The following CAMK2D variants were observed in gnomAD, a reference collection of about 807,000 sequenced individuals.
CAMK2D encodes the protein calcium/calmodulin-dependent protein kinase type II subunit delta.
Under a neutral mutation model 84.0 loss-of-function variants are expected in CAMK2D, and 37 were observed. The observed-to-expected ratio is 0.44, with a 90% CI of 0.34 to 0.58. The LOEUF is 0.58. Among genes scored for constraint, CAMK2D ranks in the 20% least tolerant of loss-of-function variants. CAMK2D has a pLI of 0.02. For synonymous variants in CAMK2D, 202 were observed against 212.5 expected (o/e 0.95, Z 0.43); for missense variants, 448 against 652.5 (o/e 0.69, Z 3.41).
At chr4:113,519,012 G>A (rs1560665924) in intron 8 of CAMK2D, among the ~76,000 whole-genome samples, 1 of 151,844 alleles carries the variant, frequency 6.6e-6, no homozygotes, top group African/African-American at 2.4e-5. Flanking sequence ...TCACCTTCAT[G>A]ACATAAAAAT....
intron 16 of CAMK2D, among the ~76,000 whole-genome samples, chr4:113,476,349 C>A (rs1312121254): frequency 6.6e-6 from 1 of 152,142 alleles, no homozygotes; most frequent in Non-Finnish European, 1.5e-5. Flanking sequence ...ACCACACACA[C>A]ATTCACATAG....
At position 113,761,214 on chromosome 4, in the gene CAMK2D, T is replaced by C. The variant is rs1478608599; in HGVS notation, c.-146A>G. The stretch of plus-strand genomic sequence containing the variant: ...CGAAAGTAGCTCGCCCGCGAGGGAG[T>C]GTGCGCAGGGGCGGGGCGGGAGGGG... On this transcript the variant is annotated 5_prime_UTR_variant, in exon 1 of 21. Transcript: ENST00000511664. The C allele has an allele frequency of 6.7e-7, 1 of 1,481,722 alleles. No homozygotes were observed. Among genetic ancestry groups the C allele is most frequent in the South Asian group, 1.2e-5 (1 of 82,968 alleles). The allele number at this position is 1,481,722 out of a possible 1,614,324, so 91.8% of individuals were successfully genotyped here. A position where few individuals can be genotyped will look rare whatever the true frequency, so the allele number is the denominator to read the frequency against.
chr4:113,626,786 T>C (rs149989515), intron 3 of CAMK2D, among the ~76,000 whole-genome samples: 91 of 152,302 alleles, frequency 6.0e-4, no homozygotes, highest in African/African-American at 2.1e-3. Context: ...CATCTAACTT[T>C]AAACAACATT....
At chr4:113,587,914 T>C (rs1332278550) in intron 4 of CAMK2D, among the ~76,000 whole-genome samples, 8 of 152,114 alleles carry the variant, frequency 5.3e-5, no homozygotes, top group East Asian at 1.9e-4. Flanking sequence ...AATATGATGA[T>C]GATGTCATCC....
intron 4 of CAMK2D, among the ~76,000 whole-genome samples, chr4:113,567,401 C>T (rs1274242415): frequency 6.6e-6 from 1 of 152,096 alleles, no homozygotes; most frequent in Non-Finnish European, 1.5e-5. Context: ...CTCCTGACCT[C>T]AGCTGATCTG....
chr4:113,552,362 T>C (rs759883468), intron 4 of CAMK2D, among the ~76,000 whole-genome samples: 6 of 152,182 alleles, frequency 3.9e-5, no homozygotes, highest in Non-Finnish European at 8.8e-5. Flanking sequence ...CAGAAAATGG[T>C]TTTCATTTCA....
At chr4:113,521,029 A>G (rs1422266716) in intron 8 of CAMK2D, among the ~76,000 whole-genome samples, 2 of 152,042 alleles carry the variant, frequency 1.3e-5, no homozygotes, top group Non-Finnish European at 2.9e-5. Context: ...ACTCACAAAC[A>G]AACAAACAAA....
chr4:113,652,704 A>G (rs781622081), intron 3 of CAMK2D, among the ~76,000 whole-genome samples: 1 of 152,128 alleles, frequency 6.6e-6, no homozygotes, highest in African/African-American at 2.4e-5. Context: ...TAAACTTCCA[A>G]TACCCTGTTA....
At chr4:113,484,149 C>T (rs1171662877) in intron 16 of CAMK2D, among the ~76,000 whole-genome samples, 3 of 152,144 alleles carry the variant, frequency 2.0e-5, no homozygotes, top group Non-Finnish European at 2.9e-5. Flanking sequence ...CCAAACTTCC[C>T]TTTCTTACCC....
At chr4:113,510,029 A>ACAT in intron 12 of CAMK2D, among the ~76,000 whole-genome samples, 1 of 152,330 alleles carries the variant, frequency 6.6e-6, no homozygotes, top group East Asian at 1.9e-4. Flanking sequence ...CAGTCTTTGG[A>ACAT]CATCAGCTGA....
intron 2 of CAMK2D, among the ~76,000 whole-genome samples, chr4:113,692,705 C>CATATTCATATATACATACAT (rs2099391465): frequency 6.6e-6 from 1 of 151,720 alleles, no homozygotes; most frequent in Non-Finnish European, 1.5e-5. Context: ...TATATTCATA[C>CATATTCATATATACATACAT]ATATTCATAT....
intron 2 of CAMK2D, among the ~76,000 whole-genome samples, chr4:113,748,109 T>C (rs1411046328): frequency 6.6e-6 from 1 of 152,108 alleles, no homozygotes; most frequent in Non-Finnish European, 1.5e-5. Context: ...TTCCCTGACC[T>C]CTCATCAACC....
intron 8 of CAMK2D, among the ~76,000 whole-genome samples, chr4:113,525,241 C>T (rs1274326739): frequency 6.6e-6 from 1 of 152,090 alleles, no homozygotes; most frequent in East Asian, 1.9e-4. Flanking sequence ...GAGAGTGATA[C>T]CTAAGTAAGG....
At chr4:113,590,955 T>C (rs969555540) in intron 4 of CAMK2D, among the ~76,000 whole-genome samples, 1 of 152,202 alleles carries the variant, frequency 6.6e-6, no homozygotes, top group Admixed American at 6.5e-5. Context: ...ATTTAAAATG[T>C]GAAATAATAA....
chr4:113,577,964 A>T (rs1193787295), intron 4 of CAMK2D, among the ~76,000 whole-genome samples: 3 of 152,108 alleles, frequency 2.0e-5, no homozygotes, highest in African/African-American at 7.2e-5. Context: ...GAATGCTAGG[A>T]GTTTCACAGT....
chr4:113,518,642 A>G (rs998800745), intron 8 of CAMK2D, among the ~76,000 whole-genome samples: 18 of 152,040 alleles, frequency 1.2e-4, no homozygotes, highest in Admixed American at 9.8e-4. Flanking sequence ...TTTTCTTGCT[A>G]TGTTTCCTTA....
At chr4:113,481,061 A>G (rs546170492) in intron 16 of CAMK2D, among the ~76,000 whole-genome samples, 1 of 152,362 alleles carries the variant, frequency 6.6e-6, no homozygotes, top group East Asian at 1.9e-4. Flanking sequence ...TTATAGCATC[A>G]CAAATGGACT....
chr4:113,618,152 A>C (rs73841795), intron 3 of CAMK2D, among the ~76,000 whole-genome samples: 6,360 of 152,274 alleles, frequency 0.042, 457 homozygotes, highest in African/African-American at 0.14. Context: ...GTAATTACCA[A>C]TACAAAGCTG....
Position 113,562,395 on chromosome 4 carries a change from T to C in CAMK2D, c.276-10299A>G, listed in dbSNP as rs368025264. Among the ~76,000 whole-genome samples, 25 of 152,326 alleles carry C rather than the reference T, an allele frequency of 1.6e-4. No individual in the cohort carries two copies. In the East Asian group the frequency reaches 4.6e-3, roughly 28 times the overall value. On this transcript the variant is annotated intron_variant, in intron 4 of 20. Coordinates refer to ENST00000511664, the MANE Select transcript of CAMK2D (RefSeq NM_001321571.2). ...CCTATTTAGAATACAGAGATTGAGG[T>C]AAGTCTAGATCATTCAAATTATTGT...
Sources: gnomAD v4.1 joint callset for allele counts (sites outside exome capture counted in the v4.1 genomes callset) on GRCh38, gnomAD v4.1.1 for gene constraint, MANE v1.5 for transcripts, NCBI Gene and HGNC (gene_info 2026-07-23, HGNC 2026-07-21) for gene names.